ACOT11: variants seen among roughly 807,000 people sequenced by gnomAD.
ACOT11 encodes the protein acyl-CoA thioesterase 11.
Under a neutral mutation model 77.5 loss-of-function variants are expected in ACOT11, and 69 were observed. The observed-to-expected ratio is 0.89, with a 90% CI of 0.73 to 1.09. ACOT11 has a LOEUF of 1.09. ACOT11 is among the 50% of genes least tolerant of loss of function. The pLI, the probability that ACOT11 is intolerant of heterozygous loss-of-function variation, is 0.00. For missense variants in ACOT11, 766 were observed against 813.7 expected, an observed-to-expected ratio of 0.94 and a Z score of 0.71; for synonymous variants, 279 against 313.0, an observed-to-expected ratio of 0.89 and a Z score of 1.15.
chr1:54,557,906 T>C (rs2100941577), intron 1 of ACOT11, among the ~76,000 whole-genome samples: 1 of 152,322 alleles, frequency 6.6e-6, no homozygotes, highest in East Asian at 1.9e-4. Flanking sequence ...ACTTCCGGTA[T>C]TACGTTGGAT....
downstream of ACOT11, chr1:54,614,850 A>G (rs749543270): frequency 2.0e-5 from 32 of 1,613,604 alleles, no homozygotes; most frequent in South Asian, 3.0e-4. Context: ...CTTGAAGTCC[A>G]GTTTGATGCC....
At position 54,607,233 on chromosome 1, in the gene ACOT11, C is replaced by CCTGG; in HGVS notation, c.1472_1475dup (p.Ser493GlyfsTer8). On this transcript the variant is annotated frameshift_variant, in exon 14 of 16. Coordinates refer to ENST00000343744, the MANE Select transcript of ACOT11 (RefSeq NM_147161.4). LOFTEE classifies it high-confidence loss of function. This position sits in a 1 kb window ranked among gnomAD's most constrained non-coding sequence, Gnocchi z 4.5. ...ACACAAAGCCCCAGGACTTCGTGATCCTGGCCTCGAGGCGGAAGCCTTGTG... is the reference window on the plus strand; with the variant it reads ...ACACAAAGCCCCAGGACTTCGTGATCCTGGCTGGCCTCGAGGCGGAAGCCTTGTG... 6.2e-7 allele frequency: 1 copy of CCTGG among 1,614,190 alleles called. No homozygotes were observed. Among genetic ancestry groups the CCTGG allele is most frequent in the Non-Finnish European group, 8.5e-7 (1 of 1,180,036 alleles).
At chr1:54,622,349 G>A (rs1280474448) in intron 15 of ACOT11, among the ~76,000 whole-genome samples, 1 of 147,986 alleles carries the variant, frequency 6.8e-6, no homozygotes, top group Non-Finnish European at 1.5e-5. Context: ...GGGAGGCCAA[G>A]ATGGGCAGAT....
At position 54,628,601 on chromosome 1, in the gene ACOT11, C is replaced by A. The variant is rs1013710846; in HGVS notation, c.1630-2133C>A. On this transcript the variant is annotated intron_variant, in intron 15 of 16. Transcript: ENST00000371316. Reference sequence around the variant, plus strand: ...CAGAGCAAGACCCCATCGCCCCCCCCCCCCAAAAAAGGAAAAAAGAAACCC... The same window carrying A: ...CAGAGCAAGACCCCATCGCCCCCCCACCCCAAAAAAGGAAAAAAGAAACCC... Among the ~76,000 whole-genome samples the A allele has an allele frequency of 1.7e-4, 21 of 123,602 alleles. 5 individuals are homozygous for A. The highest frequency in any genetic ancestry group is 5.1e-4 in the East Asian group (2 of 3,898). 81.1% of individuals were successfully genotyped at this position (123,602 alleles called of 152,430 possible).
chr1:54,569,057 G>A (rs998025094), intron 1 of ACOT11, among the ~76,000 whole-genome samples: 1 of 151,444 alleles, frequency 6.6e-6, no homozygotes, highest in Non-Finnish European at 1.5e-5. Flanking sequence ...GCTGCAGTGA[G>A]CCAAGATTAA....
At chr1:54,549,702 C>T (rs970360857) in intron 1 of ACOT11, among the ~76,000 whole-genome samples, 17 of 152,182 alleles carry the variant, frequency 1.1e-4, no homozygotes, top group African/African-American at 2.4e-4. Context: ...ATACCCAGCA[C>T]GGGGACGGGT....
intron 15 of ACOT11, among the ~76,000 whole-genome samples, chr1:54,625,361 G>A (rs182390060): frequency 6.6e-6 from 1 of 152,272 alleles, no homozygotes; most frequent in African/African-American, 2.4e-5. Flanking sequence ...GAGACAGTAA[G>A]GGGGCTGTAG....
At chr1:54,600,545 AT>A (rs1643949195) in intron 8 of ACOT11, among the ~76,000 whole-genome samples, 1 of 152,134 alleles carries the variant, frequency 6.6e-6, no homozygotes, top group Admixed American at 6.5e-5. Flanking sequence ...TGAGCCAGGC[AT>A]GGTGCACACA....
At chr1:54,578,231 C>T (rs1654181720) in intron 1 of ACOT11, among the ~76,000 whole-genome samples, 1 of 152,172 alleles carries the variant, frequency 6.6e-6, no homozygotes, top group African/African-American at 2.4e-5. Flanking sequence ...CAGCCTCAGC[C>T]TGGTGACCCT....
chr1:54,614,802 C>A (rs150113940), downstream of ACOT11: 4 of 1,614,058 alleles, frequency 2.5e-6, no homozygotes, highest in East Asian at 8.9e-5. Flanking sequence ...TGTCAGCTGC[C>A]GCAGGAGGTC....
chr1:54,550,055 C>T (rs1653008829), intron 1 of ACOT11, among the ~76,000 whole-genome samples: 1 of 152,210 alleles, frequency 6.6e-6, no homozygotes, highest in African/African-American at 2.4e-5. Context: ...CAGTTATCAT[C>T]CCCGTATCCC....
chr1:54,564,102 C>T (rs1328908667), intron 1 of ACOT11, among the ~76,000 whole-genome samples: 1 of 149,910 alleles, frequency 6.7e-6, no homozygotes, highest in Admixed American at 6.6e-5. Context: ...TGTGGTGGTG[C>T]GTGCCTGTAG....
rs185813015 is a variant in ACOT11, at chr1:54,579,462, G to A, written c.34-5193G>A. Among the ~76,000 whole-genome samples, 673 of 148,564 alleles carry A rather than the reference G, an allele frequency of 4.5e-3. 19 individuals carry two copies. Among genetic ancestry groups the A allele is most frequent in the Admixed American group, 0.041 (618 of 15,210 alleles). On this transcript the variant is annotated intron_variant, in intron 1 of 15. Coordinates refer to ENST00000343744, the MANE Select transcript of ACOT11 (RefSeq NM_147161.4). ...TAGGCCAAAAGAGGAGCTTTGGAAT[G>A]TTGACAGGCAGGAATACTCCTGCCT...
chr1:54,619,046 C>T lies in ACOT11; in HGVS notation c.1629+10978C>T, dbSNP rs116286469. On this transcript the variant is annotated intron_variant, in intron 15 of 16. Transcript: ENST00000371316. Reference sequence around the variant, plus strand: ...TTGGTTGATTTGGTCATTCTACCAGCCCTCAGACCCCAGTTTCCTTGTCTG... The same window carrying T: ...TTGGTTGATTTGGTCATTCTACCAGTCCTCAGACCCCAGTTTCCTTGTCTG... 6.9e-3 allele frequency among the ~76,000 whole-genome samples: 1,047 copies of T among 152,234 alleles called. 18 individuals are homozygous for T. Among genetic ancestry groups the T allele is most frequent in the African/African-American group, 0.024 (983 of 41,524 alleles).
At chr1:54,616,591 C>G (rs1234864537) in intron 15 of ACOT11, among the ~76,000 whole-genome samples, 2 of 152,024 alleles carry the variant, frequency 1.3e-5, no homozygotes, top group Non-Finnish European at 2.9e-5. Flanking sequence ...AGGCTGCTCT[C>G]AGAACTCCTG....
chr1:54,618,699 A>G (rs1439800338), intron 15 of ACOT11, among the ~76,000 whole-genome samples: 2 of 152,114 alleles, frequency 1.3e-5, no homozygotes, highest in Non-Finnish European at 2.9e-5. Context: ...GGAAGGGGAC[A>G]TGGAGTCAAT....
At chr1:54,624,058 G>T (rs1644256715) in intron 15 of ACOT11, among the ~76,000 whole-genome samples, 1 of 152,196 alleles carries the variant, frequency 6.6e-6, no homozygotes, top group Non-Finnish European at 1.5e-5. Context: ...GGCCGGTTCT[G>T]GGGCAGCGAG....
chr1:54,582,064 G>A (rs1361781840), intron 1 of ACOT11, among the ~76,000 whole-genome samples: 2 of 152,202 alleles, frequency 1.3e-5, no homozygotes, highest in East Asian at 1.9e-4. Context: ...TAGCAACTGC[G>A]AGGCTTGTCT....
Position 54,562,261 on chromosome 1 carries a change from C to T in ACOT11, c.33+13919C>T, listed in dbSNP as rs1236055980. On this transcript the variant is annotated intron_variant, in intron 1 of 15. Transcript: ENST00000343744. ...CTCCCGGACGGGGCGGCTGGCCAGG[C>T]GGGGGGCTGACCCCCCACCTCCCTC... Among the ~76,000 whole-genome samples the T allele has an allele frequency of 8.1e-3, 839 of 103,180 alleles. 12 individuals carry two copies. The highest frequency in any genetic ancestry group is 0.036 in the African/African-American group (774 of 21,434). The allele number at this position is 103,180 out of a possible 152,430, so 67.7% of individuals were successfully genotyped here.
Sources: allele counts gnomAD v4.1 joint callset (sites outside exome capture counted in the v4.1 genomes callset), GRCh38; gene constraint gnomAD v4.1.1; non-coding constraint Gnocchi (gnomAD v3.1); transcripts MANE v1.5; gene names NCBI Gene and HGNC (gene_info 2026-07-23, HGNC 2026-07-21).